Variants in RAB3C observed in about 807,000 individuals in gnomAD.
RAB3C encodes the protein ras-related protein Rab-3C.
RAB3C carries 17 observed loss-of-function variants against 26.4 expected under a neutral mutation model. That is an observed-to-expected ratio of 0.64 (90% CI 0.44 to 0.97). The LOEUF is 0.97. Among genes scored for constraint, RAB3C ranks in the 50% least tolerant of loss-of-function variants. RAB3C has a pLI of 0.00. For synonymous variants in RAB3C, 91 were observed against 95.9 expected, an observed-to-expected ratio of 0.95 and a Z score of 0.30; for missense variants, 242 against 281.9, an observed-to-expected ratio of 0.86 and a Z score of 1.01.
Position 58,825,071 on chromosome 5 carries a change from T to C in RAB3C, c.405T>C (p.Asn135=), listed in dbSNP as rs772142347. 21 of 1,612,972 alleles carry C rather than the reference T, an allele frequency of 1.3e-5. No individual in the cohort carries two copies. The highest frequency in any genetic ancestry group is 1.6e-5 in the Non-Finnish European group (19 of 1,179,368). ...AAATCAAAACATACTCTTGGGACAA[T>C]GCCCAAGTTATTCTGGTTGGGAACA... is the stretch of plus-strand genomic sequence containing the variant. ...STQIKTYSWD[N]AQVILVGNKC... The change falls in exon 4 of 5, where the codon AAT becomes AAC. Residue 135 remains asparagine (N), a synonymous_variant. Coordinates refer to ENST00000282878, the MANE Select transcript of RAB3C (RefSeq NM_138453.4).
intron 2 of RAB3C, among the ~76,000 whole-genome samples, chr5:58,676,258 C>A (rs1157128552): frequency 6.6e-6 from 1 of 152,088 alleles, no homozygotes; most frequent in African/African-American, 2.4e-5. Flanking sequence ...AATCCCAGAA[C>A]TTTGGGAGGC....
chr5:58,756,550 C>T (rs1176316530), intron 3 of RAB3C, among the ~76,000 whole-genome samples: 1 of 145,326 alleles, frequency 6.9e-6, no homozygotes, highest in Non-Finnish European at 1.5e-5. Context: ...CCCCAACAGG[C>T]ACTGGTGTGT....
intron 1 of RAB3C, 28 bp from the exon 2 acceptor site, chr5:58,617,615 T>TTTTTG (rs748040896): frequency 1.2e-5 from 18 of 1,543,358 alleles, no homozygotes; most frequent in South Asian, 8.9e-5. Flanking sequence ...ACCTATTTTG[T>TTTTTG]TTTTGTTTTG....
intron 3 of RAB3C, among the ~76,000 whole-genome samples, chr5:58,787,031 G>A (rs1742405894): frequency 6.6e-6 from 1 of 152,040 alleles, no homozygotes; most frequent in African/African-American, 2.4e-5. Context: ...TCGATGTCTT[G>A]GAAACTAGAC....
intron 2 of RAB3C, among the ~76,000 whole-genome samples, chr5:58,723,517 A>C (rs1740819035): frequency 6.6e-6 from 1 of 151,788 alleles, no homozygotes; most frequent in South Asian, 2.1e-4. Context: ...CTAAACTTTC[A>C]GGAGCCGAAT....
chr5:58,643,550 C>T (rs924168190), intron 2 of RAB3C, among the ~76,000 whole-genome samples: 2 of 152,014 alleles, frequency 1.3e-5, no homozygotes, highest in South Asian at 2.1e-4. Context: ...GTGGTGGACA[C>T]CTGTAATCCC....
intron 2 of RAB3C, among the ~76,000 whole-genome samples, chr5:58,681,529 C>G (rs919665593): frequency 3.3e-5 from 5 of 152,176 alleles, no homozygotes; most frequent in South Asian, 2.1e-4. Flanking sequence ...TCATAGAACA[C>G]CTGAGTGAAT....
intron 3 of RAB3C, among the ~76,000 whole-genome samples, chr5:58,726,321 A>AC (rs1485508687): frequency 6.6e-6 from 1 of 151,862 alleles, no homozygotes; most frequent in Non-Finnish European, 1.5e-5. Context: ...CATTCTGATG[A>AC]TTTTTCTGCA....
At chr5:58,689,482 T>C (rs1231891569) in intron 2 of RAB3C, among the ~76,000 whole-genome samples, 1 of 152,154 alleles carries the variant, frequency 6.6e-6, no homozygotes, top group Non-Finnish European at 1.5e-5. Flanking sequence ...AATTTTATTT[T>C]TATTTTTATT....
At position 58,682,771 on chromosome 5, in the gene RAB3C, G is replaced by T. The variant is rs1177185790; in HGVS notation, c.253-43231G>T. The stretch of plus-strand genomic sequence containing the variant: ...GGTATATAACTATTATGAGGGAAGT[G>T]TAAGAGAAGGAATTTAAATGACTGA... On this transcript the variant is annotated intron_variant, in intron 2 of 4. Coordinates refer to ENST00000282878, the MANE Select transcript of RAB3C (RefSeq NM_138453.4). 2.6e-5 allele frequency among the ~76,000 whole-genome samples: 4 copies of T among 151,754 alleles called. No individual in the cohort carries two copies. In the East Asian group the frequency reaches 7.8e-4, roughly 29 times the overall value.
At chr5:58,688,544 AG>A (rs1748494422) in intron 2 of RAB3C, among the ~76,000 whole-genome samples, 1 of 152,180 alleles carries the variant, frequency 6.6e-6, no homozygotes, top group Non-Finnish European at 1.5e-5. Flanking sequence ...CTTTACATAA[AG>A]TAACAATCTG....
chr5:58,584,796 A>G (rs908930900), intron 1 of RAB3C, among the ~76,000 whole-genome samples: 1 of 151,592 alleles, frequency 6.6e-6, no homozygotes, highest in Non-Finnish European at 1.5e-5. Flanking sequence ...TTTTTCAATC[A>G]AAATAAATTA....
intron 1 of RAB3C, among the ~76,000 whole-genome samples, chr5:58,597,102 T>C (rs1054563353): frequency 0.033 from 1,668 of 50,142 alleles, no homozygotes; most frequent in South Asian, 0.084. Context: ...TAATATATAT[T>C]ATATAATATA....
At chr5:58,811,349 G>A (rs1743085279) in intron 3 of RAB3C, among the ~76,000 whole-genome samples, 1 of 139,910 alleles carries the variant, frequency 7.1e-6, no homozygotes, top group African/African-American at 2.5e-5. Flanking sequence ...TTTTGCGTGT[G>A]TGTGTATGTG....
chr5:58,831,387 T>A (rs560341061), intron 4 of RAB3C, among the ~76,000 whole-genome samples: 3 of 152,302 alleles, frequency 2.0e-5, no homozygotes, highest in African/African-American at 4.8e-5. Flanking sequence ...AATTCATAAT[T>A]TCTCTTTTCA....
chr5:58,842,469 A>C (rs1006528706), intron 4 of RAB3C, among the ~76,000 whole-genome samples: 1 of 152,210 alleles, frequency 6.6e-6, no homozygotes. Context: ...CTGTGTACAG[A>C]CTGACCCATG....
At chr5:58,769,196 G>A (rs369602998) in intron 3 of RAB3C, among the ~76,000 whole-genome samples, 1 of 152,048 alleles carries the variant, frequency 6.6e-6, no homozygotes, top group East Asian at 1.9e-4. Flanking sequence ...GAGTCCAGGG[G>A]TGAAGGTAGA....
intron 4 of RAB3C, among the ~76,000 whole-genome samples, chr5:58,842,742 G>A (rs1423360): frequency 0.84 from 127,468 of 152,172 alleles, 54,105 homozygotes; most frequent in Middle Eastern, 0.93. Flanking sequence ...ATTTAATTAC[G>A]ACTTTCAGAA....
At chr5:58,749,295 T>A (rs1033135861) in intron 3 of RAB3C, among the ~76,000 whole-genome samples, 2 of 152,182 alleles carry the variant, frequency 1.3e-5, no homozygotes, top group Non-Finnish European at 2.9e-5. Context: ...TTGTGATTTT[T>A]AAAAAAATTT....
Sources: allele counts gnomAD v4.1 joint callset (sites outside exome capture counted in the v4.1 genomes callset), GRCh38; gene constraint gnomAD v4.1.1; transcripts MANE v1.5; gene names NCBI Gene and HGNC (gene_info 2026-07-23, HGNC 2026-07-21).